The following EPSTI1 variants were observed in gnomAD, a reference collection of about 807,000 sequenced individuals.
The protein encoded by EPSTI1 is epithelial stromal interaction 1, also known as epithelial-stromal interaction protein 1.
In EPSTI1, 66 loss-of-function variants were observed where a neutral mutation model predicts 49.9. That is an observed-to-expected ratio of 1.32 (90% CI 1.08 to 1.62). EPSTI1 has a LOEUF of 1.62. Among genes scored for constraint, EPSTI1 ranks in the 40% most tolerant of loss-of-function variants. The probability of loss-of-function intolerance (pLI) is 0.00; values close to 1 mark genes in which losing one functional copy is unlikely to be tolerated. For synonymous variants in EPSTI1, 137 were observed against 130.7 expected (o/e 1.05, Z -0.33); for missense variants, 394 against 365.5 (o/e 1.08, Z -0.64).
intron 1 of EPSTI1, among the ~76,000 whole-genome samples, chr13:42,987,105 A>T (rs1364140053): frequency 6.6e-6 from 1 of 152,120 alleles, no homozygotes; most frequent in Non-Finnish European, 1.5e-5. Context: ...GAATTATCAA[A>T]ACTGGGGAAG....
chr13:42,913,055 A>G (rs2037731840), intron 8 of EPSTI1, among the ~76,000 whole-genome samples: 1 of 152,106 alleles, frequency 6.6e-6, no homozygotes, highest in South Asian at 2.1e-4. Context: ...AGAAACAAAA[A>G]TAGAAACACT....
intron 6 of EPSTI1, among the ~76,000 whole-genome samples, chr13:42,936,849 T>C (rs2038580967): frequency 6.6e-6 from 1 of 152,202 alleles, no homozygotes; most frequent in African/African-American, 2.4e-5. Context: ...TCTTGATATT[T>C]TTCTTCCCAA....
At chr13:42,969,010 CACAG>C in intron 3 of EPSTI1, 80 bp downstream of exon 3, 1 of 1,315,950 alleles carries the variant, frequency 7.6e-7, no homozygotes, top group Non-Finnish European at 1.1e-6. Flanking sequence ...AATGGACATT[CACAG>C]ACAGACATAT....
chr13:42,920,495 G>A (rs370934774), intron 7 of EPSTI1, among the ~76,000 whole-genome samples: 180 of 152,284 alleles, frequency 1.2e-3, no homozygotes, highest in African/African-American at 4.1e-3. Flanking sequence ...TCTCCACAGA[G>A]CAACATGAGG....
In EPSTI1 at chr13:42,899,517, C is replaced by T. The variant is rs114431032; in HGVS notation, c.815+793G>A. Among the ~76,000 whole-genome samples the T allele has an allele frequency of 7.2e-3, 1,091 of 152,236 alleles. 9 individuals are homozygous for T. The highest frequency in any genetic ancestry group is 0.025 in the African/African-American group (1,033 of 41,542). The stretch of plus-strand genomic sequence containing the variant: ...CCACTGAATGCTTTTTAAAGTCTCT[C>T]ATTTAGAAAATGAAACCAACATAAC... On this transcript the variant is annotated intron_variant, in intron 9 of 10. Coordinates refer to ENST00000313624, the MANE Select transcript of EPSTI1 (RefSeq NM_033255.5).
At chr13:42,927,087 G>A (rs978375772) in intron 6 of EPSTI1, among the ~76,000 whole-genome samples, 1 of 151,578 alleles carries the variant, frequency 6.6e-6, no homozygotes, top group Admixed American at 6.6e-5. Flanking sequence ...TATCTATAGA[G>A]GTTAAAAAGT....
At chr13:42,911,272 CACGCGCGCACACGTGTGTGAGTGT>C (rs1337011217) in intron 8 of EPSTI1, among the ~76,000 whole-genome samples, 1 of 126,930 alleles carries the variant, frequency 7.9e-6, no homozygotes, top group Admixed American at 8.3e-5. Context: ...TGTGCGCGCG[CACGCGCGCACACGTGTGTGAGTGT>C]GCACATGCTT....
At chr13:42,908,424 C>T (rs1465811693) in intron 8 of EPSTI1, among the ~76,000 whole-genome samples, 8 of 148,852 alleles carry the variant, frequency 5.4e-5, no homozygotes, top group East Asian at 2.0e-4. Context: ...AGGCAGAGGC[C>T]GCAGTGAGCC....
chr13:42,917,209 T>C (rs1219311018), intron 8 of EPSTI1, among the ~76,000 whole-genome samples: 1 of 152,172 alleles, frequency 6.6e-6, no homozygotes, highest in African/African-American at 2.4e-5. Context: ...ATTTCATATA[T>C]CTTCGGTTTA....
chr13:42,905,450 G>A (rs1207645085), intron 8 of EPSTI1, among the ~76,000 whole-genome samples: 3 of 152,304 alleles, frequency 2.0e-5, no homozygotes, highest in African/African-American at 7.2e-5. Context: ...GACAGCCACC[G>A]AGGATGTGTC....
intron 5 of EPSTI1, among the ~76,000 whole-genome samples, chr13:42,959,541 A>G (rs947079739): frequency 6.6e-6 from 1 of 152,224 alleles, no homozygotes; most frequent in African/African-American, 2.4e-5. Flanking sequence ...ATCCCTTAAC[A>G]TGTACCTGTA....
At chr13:42,920,079 G>A (rs2037949498) in intron 7 of EPSTI1, among the ~76,000 whole-genome samples, 1 of 152,036 alleles carries the variant, frequency 6.6e-6, no homozygotes, top group African/African-American at 2.4e-5. Flanking sequence ...TTTTTATAAA[G>A]ACACTTTTCA....
chr13:42,893,266 G>A (rs1157859807), intron 10 of EPSTI1, among the ~76,000 whole-genome samples: 1 of 152,180 alleles, frequency 6.6e-6, no homozygotes, highest in Non-Finnish European at 1.5e-5. Context: ...TGTTCTAGTC[G>A]AGATGGAACA....
chr13:42,948,991 A>C (rs2039010317), intron 6 of EPSTI1, among the ~76,000 whole-genome samples: 1 of 152,204 alleles, frequency 6.6e-6, no homozygotes, highest in African/African-American at 2.4e-5. Context: ...TTTGGAGTTT[A>C]GGCACAACTA....
rs143039845 is a variant in EPSTI1 at position 42,900,426 on chromosome 13, CAGTTGTACAGA to C, written c.742-54_742-44del. The C allele has an allele frequency of 7.4e-3, 11,653 of 1,574,254 alleles. 55 individuals are homozygous for C. The highest frequency in any genetic ancestry group is 9.3e-3 in the Non-Finnish European group (10,702 of 1,145,468). ...TTTAAAATATGGTTTTCAATTAACA[CAGTTGTACAGA>C]AGATACCCAAATCAATTACATATTT... On this transcript the variant is annotated intron_variant, in intron 8 of 10. Coordinates refer to ENST00000313624, the MANE Select transcript of EPSTI1 (RefSeq NM_033255.5).
Position 42,888,224 on chromosome 13 carries a change from C to T in EPSTI1, c.*270G>A. Reference sequence around the variant, plus strand: ...GTGACTCCCTCTTTTTCTACCCTACCAACATCACTCTAATTATACTTCCAA... The same window carrying T: ...GTGACTCCCTCTTTTTCTACCCTACTAACATCACTCTAATTATACTTCCAA... On this transcript the variant is annotated 3_prime_UTR_variant, in exon 11 of 11. Coordinates refer to ENST00000313624, the MANE Select transcript of EPSTI1 (RefSeq NM_033255.5). The T allele has an allele frequency of 6.2e-7, 1 of 1,610,536 alleles. No individual in the cohort carries two copies. Among genetic ancestry groups the T allele is most frequent in the Non-Finnish European group, 8.5e-7 (1 of 1,177,616 alleles).
At chr13:42,929,462 A>G (rs1439586566) in intron 6 of EPSTI1, among the ~76,000 whole-genome samples, 1 of 152,154 alleles carries the variant, frequency 6.6e-6, no homozygotes, top group African/African-American at 2.4e-5. Context: ...AAATTACCCA[A>G]CCAAAGCACA....
At chr13:42,988,343 T>C (rs1175099867) in intron 1 of EPSTI1, among the ~76,000 whole-genome samples, 1 of 152,378 alleles carries the variant, frequency 6.6e-6, no homozygotes, top group African/African-American at 2.4e-5. Context: ...AGCTTTGATA[T>C]TTAAGGACAA....
intron 1 of EPSTI1, among the ~76,000 whole-genome samples, chr13:42,974,431 G>A (rs1566174522): frequency 6.6e-6 from 1 of 152,226 alleles, no homozygotes; most frequent in African/African-American, 2.4e-5. Context: ...GCCAGGGCGG[G>A]CGGATCACGA....
Sources: gnomAD v4.1 joint callset for allele counts (sites outside exome capture counted in the v4.1 genomes callset) on GRCh38, gnomAD v4.1.1 for gene constraint, MANE v1.5 for transcripts, NCBI Gene and HGNC (gene_info 2026-07-23, HGNC 2026-07-21) for gene names.